ADGRB3: variants seen among roughly 807,000 people sequenced by gnomAD.
The protein encoded by ADGRB3 is adhesion G protein-coupled receptor B3.
In ADGRB3, 37 loss-of-function variants were observed where a neutral mutation model predicts 193.4. The ratio of observed to expected loss-of-function variants is 0.19; its 90% confidence interval spans 0.15 to 0.25. The LOEUF (loss-of-function observed/expected upper bound fraction) is 0.25, where lower values mean the gene tolerates loss of function less well. Ranked by LOEUF, ADGRB3 falls within the 10% of genes least tolerant of loss-of-function variation. ADGRB3 has a pLI of 1.00. For synonymous variants in ADGRB3, 690 were observed against 644.2 expected, an observed-to-expected ratio of 1.07 and a Z score of -1.08; for missense variants, 1,637 against 1,852.9, an observed-to-expected ratio of 0.88 and a Z score of 2.14.
At chr6:69,038,993 C>A (rs1770952959) in intron 13 of ADGRB3, among the ~76,000 whole-genome samples, 1 of 152,104 alleles carries the variant, frequency 6.6e-6, no homozygotes, top group Admixed American at 6.5e-5. Context: ...CATGCCATCT[C>A]ACTCTATCCT....
In ADGRB3 at chr6:69,388,913, T is replaced by C. The variant is rs1770134483; in HGVS notation, c.*22T>C. The C allele has an allele frequency of 6.2e-7, 1 of 1,600,882 alleles. No individual in the cohort carries two copies. The highest frequency in any genetic ancestry group is 1.3e-5 in the African/African-American group (1 of 74,422). On this transcript the variant is annotated 3_prime_UTR_variant, in exon 32 of 32. Coordinates refer to ENST00000370598, the MANE Select transcript of ADGRB3 (RefSeq NM_001704.3). ...TTAAAAAAATCAAAATGGACTAAGGTAGAGACAAAACTTTATTGCACTGAC... is the reference window on the plus strand; with the variant it reads ...TTAAAAAAATCAAAATGGACTAAGGCAGAGACAAAACTTTATTGCACTGAC...
chr6:68,836,821 C>T lies in ADGRB3; in HGVS notation c.758-93738C>T, dbSNP rs147552519. ...CGTGAGCAACATAGTGAGACTCCAT[C>T]TCTATTTTATTTTTTTTAAAGAGTG... On this transcript the variant is annotated intron_variant, in intron 3 of 31. Coordinates refer to ENST00000370598, the MANE Select transcript of ADGRB3 (RefSeq NM_001704.3). Among the ~76,000 whole-genome samples the T allele has an allele frequency of 4.8e-4, 73 of 152,082 alleles. 1 individual carries two copies. The highest frequency in any genetic ancestry group is 1.7e-3 in the African/African-American group (70 of 41,464).
At chr6:69,048,815 AC>A (rs1354754249) in intron 14 of ADGRB3, among the ~76,000 whole-genome samples, 1 of 152,128 alleles carries the variant, frequency 6.6e-6, no homozygotes, top group Non-Finnish European at 1.5e-5. Context: ...TGTGTAACAA[AC>A]CGGCACATGT....
rs1357377045 is a variant in ADGRB3, at chr6:68,713,972, A to G, written c.757+74540A>G. On this transcript the variant is annotated intron_variant, in intron 3 of 31. Transcript: ENST00000370598. ...TATACATTATATATTATGCATTAAA[A>G]TTATATATGGCATTTTATAGAAAAG... Among the ~76,000 whole-genome samples, 10 of 151,696 alleles carry G rather than the reference A, an allele frequency of 6.6e-5. No individual in the cohort carries two copies. In the Admixed American group the frequency reaches 6.6e-4, roughly 10 times the overall value.
chr6:69,172,878 C>T (rs529275098), intron 17 of ADGRB3, among the ~76,000 whole-genome samples: 22 of 151,656 alleles, frequency 1.5e-4, no homozygotes, highest in Non-Finnish European at 2.9e-4. Flanking sequence ...GCAGACAGAA[C>T]AAAATGGCTG....
chr6:69,038,283 A>T (rs927698662), intron 13 of ADGRB3, among the ~76,000 whole-genome samples: 7 of 152,162 alleles, frequency 4.6e-5, no homozygotes, highest in African/African-American at 1.7e-4. Flanking sequence ...TTCTCTAATA[A>T]GGTTTGAACA....
chr6:69,352,917 T>C (rs1769257877), intron 26 of ADGRB3, among the ~76,000 whole-genome samples: 1 of 152,164 alleles, frequency 6.6e-6, no homozygotes. Flanking sequence ...GATGCATCAG[T>C]AAAATAGGGA....
At chr6:68,993,357 G>A (rs529083238) in intron 10 of ADGRB3, among the ~76,000 whole-genome samples, 1 of 152,246 alleles carries the variant, frequency 6.6e-6, no homozygotes, top group East Asian at 1.9e-4. Flanking sequence ...AATAAGCTCA[G>A]CTTGTTGGTA....
intron 3 of ADGRB3, among the ~76,000 whole-genome samples, chr6:68,817,360 T>TAA (rs1767658080): frequency 9.6e-6 from 1 of 104,000 alleles, no homozygotes; most frequent in East Asian, 3.2e-4. Context: ...TATATATATA[T>TAA]AATTTCTGAC....
chr6:69,361,394 A>T lies in ADGRB3; in HGVS notation c.4121A>T (p.Gln1374Leu). The T allele has an allele frequency of 6.2e-7, 1 of 1,613,078 alleles. No individual in the cohort carries two copies. The highest frequency in any genetic ancestry group is 8.5e-7 in the Non-Finnish European group (1 of 1,179,272). The change falls in exon 29 of 32, where the codon CAG becomes CTG. Residue 1374 changes from glutamine to leucine, a missense_variant. Physicochemically the swap from Gln to Leu is moderately radical, Grantham distance 113. Coordinates refer to ENST00000370598, the MANE Select transcript of ADGRB3 (RefSeq NM_001704.3). ...CATCTCGCACCCCAGGAACATATGC[A>T]GAATTTGCCCTTTGAACCTCGCACA... ...EQHLAPQEHMQNLPFEPRTAV... is the reference protein window; with the variant it reads ...EQHLAPQEHMLNLPFEPRTAV...
At chr6:68,725,635 C>A (rs1765659355) in intron 3 of ADGRB3, among the ~76,000 whole-genome samples, 1 of 151,538 alleles carries the variant, frequency 6.6e-6, no homozygotes, top group Non-Finnish European at 1.5e-5. Context: ...GTTTTGGGAG[C>A]AGGTGGTATT....
intron 3 of ADGRB3, among the ~76,000 whole-genome samples, chr6:68,746,630 T>C (rs1400108370): frequency 1.3e-5 from 2 of 151,950 alleles, no homozygotes; most frequent in Non-Finnish European, 2.9e-5. Context: ...CCTTTTTCAC[T>C]CTCCATTTCT....
intron 3 of ADGRB3, among the ~76,000 whole-genome samples, chr6:68,858,924 T>G (rs2150213564): frequency 6.6e-6 from 1 of 152,330 alleles, no homozygotes; most frequent in South Asian, 2.1e-4. Context: ...TTCCTCATTG[T>G]TTTGGAGATT....
intron 3 of ADGRB3, among the ~76,000 whole-genome samples, chr6:68,676,389 CAAAAAAA>C (rs70987431): frequency 4.7e-4 from 40 of 84,638 alleles, no homozygotes; most frequent in African/African-American, 1.8e-3. Flanking sequence ...GACTCTGTCT[CAAAAAAA>C]AAAAAAAAAA....
At chr6:69,061,699 T>C (rs1771754269) in intron 15 of ADGRB3, among the ~76,000 whole-genome samples, 1 of 65,768 alleles carries the variant, frequency 1.5e-5, no homozygotes, top group Non-Finnish European at 3.9e-5. Flanking sequence ...ATTTGTACCA[T>C]ACAATATTAC....
At chr6:69,053,003 T>A (rs995572779) in intron 15 of ADGRB3, among the ~76,000 whole-genome samples, 2 of 152,100 alleles carry the variant, frequency 1.3e-5, no homozygotes, top group African/African-American at 4.8e-5. Context: ...CTGGCCAACA[T>A]GGTGAAACCC....
At chr6:69,185,834 T>C (rs965000381) in intron 17 of ADGRB3, among the ~76,000 whole-genome samples, 2 of 152,194 alleles carry the variant, frequency 1.3e-5, no homozygotes, top group African/African-American at 4.8e-5. Flanking sequence ...AAATGACAGC[T>C]TCGCATAAGA....
intron 10 of ADGRB3, among the ~76,000 whole-genome samples, chr6:68,985,411 G>A (rs1248880825): frequency 6.6e-6 from 1 of 152,184 alleles, no homozygotes; most frequent in Non-Finnish European, 1.5e-5. Flanking sequence ...GAGAGGCAAA[G>A]AAGTAAAATG....
At chr6:68,655,232 G>T (rs999592443) in intron 3 of ADGRB3, among the ~76,000 whole-genome samples, 1 of 151,506 alleles carries the variant, frequency 6.6e-6, no homozygotes, top group African/African-American at 2.4e-5. Flanking sequence ...CTGGGTTCCA[G>T]TCCCAATTTC....
Sources: gnomAD v4.1 joint callset for allele counts (sites outside exome capture counted in the v4.1 genomes callset) on GRCh38, gnomAD v4.1.1 for gene constraint, MANE v1.5 for transcripts, NCBI Gene and HGNC (gene_info 2026-07-23, HGNC 2026-07-21) for gene names.